The following MALSU1 variants were observed in gnomAD, a reference collection of about 807,000 sequenced individuals.
MALSU1 encodes mitochondrial assembly of ribosomal large subunit protein 1.
MALSU1 carries 22 observed loss-of-function variants against 22.1 expected under a neutral mutation model. That is an observed-to-expected ratio of 1.00 (90% CI 0.71 to 1.42). The LOEUF (loss-of-function observed/expected upper bound fraction) is 1.42, where lower values mean the gene tolerates loss of function less well. Ranked by LOEUF, MALSU1 falls within the 40% of genes most tolerant of loss-of-function variation. MALSU1 has a pLI of 0.00. For synonymous variants in MALSU1, 153 were observed against 118.5 expected (o/e 1.29, Z -1.89); for missense variants, 379 against 308.3 (o/e 1.23, Z -1.72).
chr7:23,307,411 G>A (rs544277073), intron 2 of MALSU1, among the ~76,000 whole-genome samples: 31 of 152,324 alleles, frequency 2.0e-4, no homozygotes, highest in African/African-American at 7.5e-4. Flanking sequence ...AAAGAACTGA[G>A]CACATTTATA....
rs559703272 is a variant in MALSU1, at chr7:23,300,306, A to G, written c.257-533A>G. Among the ~76,000 whole-genome samples the G allele has an allele frequency of 4.6e-5, 7 of 152,322 alleles. No homozygotes were observed. The South Asian group carries it at 1.4e-3, about 32-fold the overall frequency. On this transcript the variant is annotated intron_variant, in intron 1 of 3. Coordinates refer to ENST00000466681, the MANE Select transcript of MALSU1 (RefSeq NM_138446.2). ...GGTTCAAAATAATAATTACTCAAAAATGTAGCTCTTTCAGTGACTGATCTT... is the reference window on the plus strand; with the variant it reads ...GGTTCAAAATAATAATTACTCAAAAGTGTAGCTCTTTCAGTGACTGATCTT...
intron 3 of MALSU1, among the ~76,000 whole-genome samples, chr7:23,308,168 GC>G (rs1387634191): frequency 6.6e-6 from 1 of 152,186 alleles, no homozygotes; most frequent in African/African-American, 2.4e-5. Flanking sequence ...CCTAGATGAT[GC>G]CCTCCTGGAG....
rs1356280109 is a variant in MALSU1 at position 23,300,929 on chromosome 7, C to T, written c.347C>T (p.Pro116Leu). The stretch of plus-strand genomic sequence containing the variant: ...GACATTTGTGTGATCCAGGTTCCTC[C>T]AGAAATGAGATATACAGATTACTTT... ...ARDICVIQVPPEMRYTDYFVI... is the reference protein window; with the variant it reads ...ARDICVIQVPLEMRYTDYFVI... Residue 116 changes from proline (P) to leucine (L), a missense_variant, in exon 2 of 4, where the codon CCA (proline) becomes CTA (leucine). Transcript: ENST00000466681. 2 of 1,613,996 alleles carry T rather than the reference C, an allele frequency of 1.2e-6. No individual in the cohort carries two copies. The highest frequency in any genetic ancestry group is 3.3e-5 in the Admixed American group (2 of 60,012).
At chr7:23,307,826 C>T (rs770259928) in intron 2 of MALSU1, 42 bp from the exon 3 acceptor site, 29 of 1,319,044 alleles carry the variant, frequency 2.2e-5, no homozygotes, top group South Asian at 8.7e-5. Context: ...ACAGGCTTCC[C>T]CCATCCCCTC....
At position 23,304,739 on chromosome 7, in the gene MALSU1, A is replaced by G. The variant is rs180704831; in HGVS notation, c.436-3129A>G. Among the ~76,000 whole-genome samples the G allele has an allele frequency of 1.8e-3, 267 of 152,308 alleles. 6 individuals are homozygous for G. Among genetic ancestry groups the G allele is most frequent in the Non-Finnish European group, 6.6e-4 (45 of 68,030 alleles). Reference sequence around the variant, plus strand: ...TTATTTTTTATAGAGACAGGGTCTCACTATATTGCCCAGACTCTTTGCCCA... The same window carrying G: ...TTATTTTTTATAGAGACAGGGTCTCGCTATATTGCCCAGACTCTTTGCCCA... On this transcript the variant is annotated intron_variant, in intron 2 of 3. Transcript: ENST00000466681.
chr7:23,311,461 C>G lies in MALSU1; in HGVS notation c.*1918C>G, dbSNP rs3087888. ...ATTTAAACCAGCCGTTCCAAAATCT[C>G]CTGCGACCACTTTGTTAGTACCGTC... On this transcript the variant is annotated 3_prime_UTR_variant, in exon 4 of 4. Transcript: ENST00000466681. The G allele has an allele frequency of 0.046, 7,043 of 152,640 alleles. 210 individuals carry two copies. The highest frequency in any genetic ancestry group is 0.069 in the Non-Finnish European group (4,666 of 68,016). The allele number at this position is 152,640 out of a possible 1,614,324, so 9.5% of individuals were successfully genotyped here.
intron 2 of MALSU1, among the ~76,000 whole-genome samples, chr7:23,302,401 A>G (rs1311425559): frequency 2.6e-5 from 4 of 152,230 alleles, no homozygotes; most frequent in African/African-American, 9.7e-5. Context: ...CCAAAAGAGT[A>G]GCCAAAATTG....
Position 23,299,345 on chromosome 7 carries a change from C to T in MALSU1, c.-8C>T, listed in dbSNP as rs1245207111. 2.6e-6 allele frequency: 4 copies of T among 1,556,216 alleles called. No homozygotes were observed. Among genetic ancestry groups the T allele is most frequent in the Non-Finnish European group, 3.5e-6 (4 of 1,157,176 alleles). On this transcript the variant is annotated 5_prime_UTR_variant, in exon 1 of 4. Transcript: ENST00000466681. ...ACCCACCCGCGACGCCGACGCAAGG[C>T]TGCTGCTATGGGGCCGGGCGGCCGT...
Position 23,310,023 on chromosome 7 carries a change from A to AAAGT in MALSU1, c.*481_*484dup, listed in dbSNP as rs1286580254. ...ACTCCAGTAACACAAGAAAGTAAAC[A>AAAGT]AAGTGTTTGTTAGGAAAAACTCTGA... On this transcript the variant is annotated 3_prime_UTR_variant, in exon 4 of 4. Coordinates refer to ENST00000466681, the MANE Select transcript of MALSU1 (RefSeq NM_138446.2). 5 of 147,690 alleles carry AAAGT rather than the reference A, an allele frequency of 3.4e-5. No individual in the cohort carries two copies. Among genetic ancestry groups the AAAGT allele is most frequent in the African/African-American group, 1.3e-4 (5 of 37,536 alleles). 9.1% of individuals were successfully genotyped at this position (147,690 alleles called of 1,614,324 possible). A position where few individuals can be genotyped will look rare whatever the true frequency, so the allele number is the denominator to read the frequency against.
In MALSU1 at chr7:23,311,455, A is replaced by G. The variant is rs1783826282; in HGVS notation, c.*1912A>G. 6.6e-6 allele frequency: 1 copy of G among 152,610 alleles called. No individual in the cohort carries two copies. Among genetic ancestry groups the G allele is most frequent in the South Asian group, 2.1e-4 (1 of 4,828 alleles). The allele number at this position is 152,610 out of a possible 1,614,324, so 9.5% of individuals were successfully genotyped here. On this transcript the variant is annotated 3_prime_UTR_variant, in exon 4 of 4. Coordinates refer to ENST00000466681, the MANE Select transcript of MALSU1 (RefSeq NM_138446.2). ...GAAGCCATTTAAACCAGCCGTTCCA[A>G]AATCTCCTGCGACCACTTTGTTAGT... is the stretch of plus-strand genomic sequence containing the variant.
At chr7:23,302,070 A>G (rs1783655919) in intron 2 of MALSU1, among the ~76,000 whole-genome samples, 1 of 152,232 alleles carries the variant, frequency 6.6e-6, no homozygotes, top group South Asian at 2.1e-4. Flanking sequence ...TGGGACAGCC[A>G]TAAAGCATTT....
intron 2 of MALSU1, among the ~76,000 whole-genome samples, chr7:23,302,743 T>G (rs145670229): frequency 2.7e-4 from 41 of 152,322 alleles, no homozygotes; most frequent in African/African-American, 9.6e-4. Flanking sequence ...AGTTTTGTTG[T>G]TTGTGGTAAA....
rs1345621146 is a variant in MALSU1 at position 23,311,547 on chromosome 7, C to G, written c.*2004C>G. 6.6e-6 allele frequency: 1 copy of G among 152,266 alleles called. No homozygotes were observed. Among genetic ancestry groups the G allele is most frequent in the African/African-American group, 2.4e-5 (1 of 41,434 alleles). 9.4% of individuals were successfully genotyped at this position (152,266 alleles called of 1,614,324 possible). A position where few individuals can be genotyped will look rare whatever the true frequency, so the allele number is the denominator to read the frequency against. On this transcript the variant is annotated 3_prime_UTR_variant, in exon 4 of 4. Coordinates refer to ENST00000466681, the MANE Select transcript of MALSU1 (RefSeq NM_138446.2). ...GTAGTGCTGCTCTCCAGATACTAGG[C>G]ACTGCTCCGTATTTTTGAACATTTG... is the stretch of plus-strand genomic sequence containing the variant.
At position 23,301,006 on chromosome 7, in the gene MALSU1, G is replaced by C. The variant is rs747613839; in HGVS notation, c.424G>C (p.Val142Leu). ...TRHLHAMAFY[V>L]VKMYKHLKCK... ...ACACTTACATGCCATGGCCTTCTAC[G>C]TTGTGAAAATGGTAGGATGCTTTCT... The change falls in exon 2 of 4, where the codon GTT (valine) becomes CTT (leucine). Residue 142 changes from valine to leucine, a missense_variant. Transcript: ENST00000466681. 8.7e-6 allele frequency: 14 copies of C among 1,612,490 alleles called. No individual in the cohort carries two copies. The highest frequency in any genetic ancestry group is 4.5e-5 in the East Asian group (2 of 44,874).
At chr7:23,309,257 C>T (rs975680540) in intron 3 of MALSU1, 99 bp from the exon 4 acceptor site, 1 of 1,111,820 alleles carries the variant, frequency 9.0e-7, no homozygotes, top group Non-Finnish European at 1.3e-6. Context: ...CACTTGAGAA[C>T]CACTGCTTTA....
At position 23,309,799 on chromosome 7, in the gene MALSU1, T is replaced by TA; in HGVS notation, c.*257dup. The stretch of plus-strand genomic sequence containing the variant: ...AAATGTCATCAGAATTTCCTGGAGT[T>TA]AGCACTGGCTCCTGTGCTTGACTTC... On this transcript the variant is annotated 3_prime_UTR_variant, in exon 4 of 4. Transcript: ENST00000466681. The TA allele has an allele frequency of 3.9e-6, 1 of 255,364 alleles. No individual in the cohort carries two copies. The highest frequency in any genetic ancestry group is 7.4e-6 in the Non-Finnish European group (1 of 135,514). 15.8% of individuals were successfully genotyped at this position (255,364 alleles called of 1,614,324 possible).
chr7:23,309,702 A>C lies in MALSU1; in HGVS notation c.*159A>C, dbSNP rs186483100. On this transcript the variant is annotated 3_prime_UTR_variant, in exon 4 of 4. Transcript: ENST00000466681. Reference sequence around the variant, plus strand: ...TAACTGGCATGCAGAGACTGTCGATAAGTGAGCTATACCTGCAACCAAAAA... The same window carrying C: ...TAACTGGCATGCAGAGACTGTCGATCAGTGAGCTATACCTGCAACCAAAAA... The C allele has an allele frequency of 6.6e-4, 333 of 505,320 alleles. No individual in the cohort carries two copies. The highest frequency in any genetic ancestry group is 1.0e-3 in the Non-Finnish European group (300 of 293,340). The allele number at this position is 505,320 out of a possible 1,614,324, so 31.3% of individuals were successfully genotyped here.
chr7:23,306,143 G>A lies in MALSU1; in HGVS notation c.436-1725G>A, dbSNP rs563869585. On this transcript the variant is annotated intron_variant, in intron 2 of 3. Coordinates refer to ENST00000466681, the MANE Select transcript of MALSU1 (RefSeq NM_138446.2). The stretch of plus-strand genomic sequence containing the variant: ...TGGGAGGTGGAGGTTGCTGTGAGCC[G>A]CGATTGCGCCATTATAGTCCAGCCT... Among the ~76,000 whole-genome samples the A allele has an allele frequency of 7.2e-5, 11 of 152,114 alleles. No individual in the cohort carries two copies. In the South Asian group the frequency reaches 2.1e-3, roughly 29 times the overall value.
chr7:23,309,280 G>A, intron 3 of MALSU1, 76 bp from the exon 4 acceptor site: 13 of 1,313,090 alleles, frequency 9.9e-6, no homozygotes, highest in Non-Finnish European at 1.4e-5. Context: ...CCTAGAGTTA[G>A]CCAGTGTGTG....
Sources: allele counts gnomAD v4.1 joint callset (sites outside exome capture counted in the v4.1 genomes callset), GRCh38; gene constraint gnomAD v4.1.1; transcripts MANE v1.5; gene names NCBI Gene and HGNC (gene_info 2026-07-23, HGNC 2026-07-21).